SEM1: variants seen among roughly 807,000 people sequenced by gnomAD.
The protein encoded by SEM1 is SEM1 26S proteasome subunit, also known as 26S proteasome complex subunit SEM1.
In SEM1, 3 loss-of-function variants were observed where a neutral mutation model predicts 12.7. That is an observed-to-expected ratio of 0.24 (90% confidence interval 0.11 to 0.61). The LOEUF is 0.61. Among genes scored for constraint, SEM1 ranks in the 20% least tolerant of loss-of-function variants. The pLI is 0.88. For missense variants in SEM1, 59 were observed against 81.3 expected (o/e 0.73, Z 1.06); for synonymous variants, 30 against 27.8 (o/e 1.08, Z -0.25).
At chr7:96,650,335 T>C (rs986428526) in intron 2 of SEM1, 26 of 514,452 alleles carry the variant, frequency 5.1e-5, no homozygotes, top group Non-Finnish European at 7.5e-5. Flanking sequence ...GTCCTCTTTG[T>C]CTTGTGAGTT....
At chr7:96,659,913 C>G (rs906632118) in intron 2 of SEM1, among the ~76,000 whole-genome samples, 1 of 66,724 alleles carries the variant, frequency 1.5e-5, no homozygotes, top group Non-Finnish European at 3.0e-5. Flanking sequence ...AGTAAGATGG[C>G]AAAAAAAAAA....
chr7:96,652,987 G>C (rs1809048331), intron 2 of SEM1, among the ~76,000 whole-genome samples: 1 of 152,182 alleles, frequency 6.6e-6, no homozygotes, highest in Non-Finnish European at 1.5e-5. Flanking sequence ...ATGGTGGACA[G>C]GGTTAATGTG....
In SEM1 at chr7:96,585,649, G is replaced by T. The variant is rs910194470; in HGVS notation, c.171-78951C>A. Among the ~76,000 whole-genome samples, 4 of 152,260 alleles carry T rather than the reference G, an allele frequency of 2.6e-5. No homozygotes were observed. The East Asian group carries it at 7.7e-4, about 29-fold the overall frequency. ...ATGGGCTTAGGACCCTCCGAGCCAG[G>T]TGCGGGATATAATCTCCTGATGCGC... On this transcript the variant is annotated intron_variant and NMD_transcript_variant, in intron 2 of 3. Coordinates refer to the SEM1 transcript ENST00000466986.
chr7:96,515,760 G>T (rs1306749427), intron 2 of SEM1, among the ~76,000 whole-genome samples: 4 of 152,154 alleles, frequency 2.6e-5, no homozygotes, highest in Non-Finnish European at 5.9e-5. Context: ...ATCATTGTAA[G>T]CAAACTATCA....
At chr7:96,528,140 T>C (rs2115693426) in intron 2 of SEM1, among the ~76,000 whole-genome samples, 1 of 152,278 alleles carries the variant, frequency 6.6e-6, no homozygotes, top group African/African-American at 2.4e-5. Context: ...ATTGGCTTCA[T>C]GTTATTAAAC....
chr7:96,515,823 C>T lies in SEM1; in HGVS notation c.171-9125G>A, dbSNP rs571207788. On this transcript the variant is annotated intron_variant and NMD_transcript_variant, in intron 2 of 3. Transcript: ENST00000466986. ...TTCTCACTCATAAGTAGGAGCTGAACAATGAGAACACAGGGACGCAGGGCA... is the reference window on the plus strand; with the variant it reads ...TTCTCACTCATAAGTAGGAGCTGAATAATGAGAACACAGGGACGCAGGGCA... Among the ~76,000 whole-genome samples, 248 of 152,048 alleles carry T rather than the reference C, an allele frequency of 1.6e-3. 1 individual carries two copies. The highest frequency in any genetic ancestry group is 5.6e-3 in the African/African-American group (234 of 41,486).
chr7:96,580,520 T>C (rs1321714860), intron 2 of SEM1, among the ~76,000 whole-genome samples: 1 of 151,962 alleles, frequency 6.6e-6, no homozygotes, highest in Non-Finnish European at 1.5e-5. Flanking sequence ...GTATTTCCAG[T>C]TCTAGATCCC....
intron 2 of SEM1, among the ~76,000 whole-genome samples, chr7:96,550,425 G>A (rs1340578600): frequency 1.3e-5 from 2 of 152,046 alleles, no homozygotes; most frequent in Non-Finnish European, 2.9e-5. Context: ...TTATTATTTT[G>A]ATTGCAAAAT....
At chr7:96,681,387 A>C (rs1383884096) in intron 2 of SEM1, among the ~76,000 whole-genome samples, 1 of 152,084 alleles carries the variant, frequency 6.6e-6, no homozygotes, top group Non-Finnish European at 1.5e-5. Flanking sequence ...AAATCCTAAT[A>C]AGCAACAGTG....
intron 2 of SEM1, among the ~76,000 whole-genome samples, chr7:96,521,045 A>G (rs1211058183): frequency 6.6e-6 from 1 of 152,098 alleles, no homozygotes; most frequent in Non-Finnish European, 1.5e-5. Flanking sequence ...CCTCACAAAA[A>G]AAAGGGGACG....
chr7:96,604,729 G>T (rs1311173953), intron 2 of SEM1, among the ~76,000 whole-genome samples: 1 of 151,912 alleles, frequency 6.6e-6, no homozygotes, highest in Non-Finnish European at 1.5e-5. Context: ...GACCAGCCTG[G>T]CCAACATGGT....
chr7:96,674,730 A>C (rs1214685896), intron 2 of SEM1, among the ~76,000 whole-genome samples: 1 of 152,200 alleles, frequency 6.6e-6, no homozygotes, highest in Non-Finnish European at 1.5e-5. Context: ...GTGGTTTCAT[A>C]ATAGGAATGA....
At chr7:96,620,899 T>G (rs1807872658), downstream of SEM1, among the ~76,000 whole-genome samples, 1 of 152,196 alleles carries the variant, frequency 6.6e-6, no homozygotes. Flanking sequence ...TTTGTATGTT[T>G]TTATTTACCT....
intron 2 of SEM1, among the ~76,000 whole-genome samples, chr7:96,585,569 G>C (rs1014075279): frequency 6.6e-6 from 1 of 152,228 alleles, no homozygotes; most frequent in African/African-American, 2.4e-5. Flanking sequence ...CCCCAGCCTC[G>C]CTGCTGCCTT....
At chr7:96,615,294 G>T (rs1011929734) in intron 2 of SEM1, among the ~76,000 whole-genome samples, 5 of 123,968 alleles carry the variant, frequency 4.0e-5, no homozygotes, top group Non-Finnish European at 6.3e-5. Context: ...TATTCCCCAG[G>T]CTGGCTGGAG....
chr7:96,636,027 A>G (rs1174960946), intron 2 of SEM1, among the ~76,000 whole-genome samples: 1 of 152,074 alleles, frequency 6.6e-6, no homozygotes, highest in Non-Finnish European at 1.5e-5. Context: ...TCCATAATAT[A>G]CTCTTGTTTA....
At chr7:96,567,463 T>A (rs753672936) in intron 2 of SEM1, among the ~76,000 whole-genome samples, 37 of 150,958 alleles carry the variant, frequency 2.5e-4, no homozygotes, top group Non-Finnish European at 5.1e-4. Flanking sequence ...ATGTAAATAA[T>A]GATAATTCTG....
chr7:96,590,825 A>G (rs1806806005), intron 2 of SEM1, among the ~76,000 whole-genome samples: 1 of 152,138 alleles, frequency 6.6e-6, no homozygotes, highest in Non-Finnish European at 1.5e-5. Context: ...TAGAAACATA[A>G]TTTTATGTGT....
intron 2 of SEM1, among the ~76,000 whole-genome samples, chr7:96,510,897 G>T (rs919000298): frequency 6.6e-6 from 1 of 152,016 alleles, no homozygotes; most frequent in Admixed American, 6.6e-5. Context: ...AGATTATTTG[G>T]ATGAAATTAT....
Sources: gnomAD v4.1 joint callset for allele counts (sites outside exome capture counted in the v4.1 genomes callset) on GRCh38, gnomAD v4.1.1 for gene constraint, MANE v1.5 for transcripts, NCBI Gene and HGNC (gene_info 2026-07-23, HGNC 2026-07-21) for gene names.